Variants in ICA1 observed in about 807,000 individuals in gnomAD.
The protein encoded by ICA1 is 69 kDa islet cell autoantigen.
Under a neutral mutation model 71.0 loss-of-function variants are expected in ICA1, and 40 were observed. The ratio of observed to expected loss-of-function variants is 0.56; its 90% CI spans 0.44 to 0.73. The LOEUF is 0.73. Ranked by LOEUF, ICA1 falls within the 30% of genes least tolerant of loss-of-function variation. The pLI, the probability that ICA1 is intolerant of heterozygous loss-of-function variation, is 0.00. For synonymous variants in ICA1, 207 were observed against 209.5 expected (o/e 0.99, Z 0.10); for missense variants, 578 against 576.5 (o/e 1.00, Z -0.03).
At chr7:8,228,725 A>G (rs754705092) in intron 3 of ICA1, 52 bp from the exon 4 acceptor site, 2 of 1,242,714 alleles carry the variant, frequency 1.6e-6, no homozygotes. Flanking sequence ...GTGGTGAGAT[A>G]AAAAATAATT....
chr7:8,250,043 G>C (rs1182280120), intron 1 of ICA1, among the ~76,000 whole-genome samples: 1 of 152,200 alleles, frequency 6.6e-6, no homozygotes, highest in East Asian at 1.9e-4. Context: ...TTCAGAGCCA[G>C]GGCTCCCACA....
chr7:8,146,676 G>C (rs1797011203), intron 8 of ICA1, among the ~76,000 whole-genome samples: 1 of 151,258 alleles, frequency 6.6e-6, no homozygotes, highest in South Asian at 2.1e-4. Context: ...GGATGTTCAT[G>C]ATTTTTTTAT....
At chr7:8,188,377 C>A (rs1222699636) in intron 6 of ICA1, among the ~76,000 whole-genome samples, 3 of 152,188 alleles carry the variant, frequency 2.0e-5, no homozygotes, top group Non-Finnish European at 2.9e-5. Flanking sequence ...CCAAAATTAA[C>A]TCTCCTCAAA....
rs963635500 is a variant in ICA1 at position 8,222,888 on chromosome 7, T to G, written c.257-1490A>C. On this transcript the variant is annotated intron_variant, in intron 4 of 13. Coordinates refer to ENST00000402384, the MANE Select transcript of ICA1 (RefSeq NM_001136020.3). The surrounding 1 kb of genome is among the most constrained non-coding windows in gnomAD (Gnocchi z 4.8). ...TGTGTCTCTCTTCCCCAGGGGGCTCTAAGCTTTCCAAGACAGGGATCTCAC... is the reference window on the plus strand; with the variant it reads ...TGTGTCTCTCTTCCCCAGGGGGCTCGAAGCTTTCCAAGACAGGGATCTCAC... Among the ~76,000 whole-genome samples the G allele has an allele frequency of 1.3e-5, 2 of 152,182 alleles. No homozygotes were observed. Among genetic ancestry groups the G allele is most frequent in the Admixed American group, 1.3e-4 (2 of 15,272 alleles).
rs1584678621 is a variant in ICA1, at chr7:8,156,757, T to G, written c.804+359A>C. 4 of 1,374,738 alleles carry G rather than the reference T, an allele frequency of 2.9e-6. No homozygotes were observed. The East Asian group carries it at 1.0e-4, about 35-fold the overall frequency. 85.2% of individuals were successfully genotyped at this position (1,374,738 alleles called of 1,614,324 possible). ...TTAAAAGTAACTGAGTTTATGGGAC[T>G]TGTACAATCTCCCCTTTAGCAATGT... On this transcript the variant is annotated intron_variant, in intron 8 of 13. Coordinates refer to ENST00000402384, the MANE Select transcript of ICA1 (RefSeq NM_001136020.3).
chr7:8,119,715 G>C (rs1270108471), intron 13 of ICA1, among the ~76,000 whole-genome samples: 1 of 152,068 alleles, frequency 6.6e-6, no homozygotes, highest in Non-Finnish European at 1.5e-5. Context: ...GTGTGGTGGC[G>C]GGCACCTGTA....
intron 6 of ICA1, among the ~76,000 whole-genome samples, chr7:8,210,423 A>G (rs537667059): frequency 6.6e-6 from 1 of 152,372 alleles, no homozygotes. Flanking sequence ...CAGGACATAA[A>G]CACATCATGA....
At chr7:8,159,623 GT>G (rs1562753851) in intron 6 of ICA1, among the ~76,000 whole-genome samples, 1 of 151,988 alleles carries the variant, frequency 6.6e-6, no homozygotes, top group Non-Finnish European at 1.5e-5. Flanking sequence ...TCACTTGAGC[GT>G]GGGAGGTGGA....
chr7:8,242,060 G>A (rs1031424712), intron 1 of ICA1, among the ~76,000 whole-genome samples: 1 of 152,118 alleles, frequency 6.6e-6, no homozygotes, highest in African/African-American at 2.4e-5. Flanking sequence ...TCTGCACCAA[G>A]CAGACCTAAT....
At chr7:8,199,379 G>A (rs1788763963) in intron 6 of ICA1, among the ~76,000 whole-genome samples, 1 of 152,134 alleles carries the variant, frequency 6.6e-6, no homozygotes, top group South Asian at 2.1e-4. Context: ...AGAAAATGTG[G>A]TACTTATACA....
chr7:8,228,452 T>C (rs1036318221), intron 4 of ICA1, 149 bp downstream of exon 4: 12 of 476,010 alleles, frequency 2.5e-5, no homozygotes, highest in Non-Finnish European at 4.4e-5. Flanking sequence ...ATGTATATTA[T>C]TGGTAAAATT....
chr7:8,190,547 C>A (rs1212234346), intron 6 of ICA1, among the ~76,000 whole-genome samples: 1 of 152,192 alleles, frequency 6.6e-6, no homozygotes, highest in Non-Finnish European at 1.5e-5. Context: ...CTGGTGCCCC[C>A]TGCAGGATTC....
At chr7:8,212,267 G>GA (rs1214297890) in intron 6 of ICA1, among the ~76,000 whole-genome samples, 63 of 151,106 alleles carry the variant, frequency 4.2e-4, no homozygotes, top group African/African-American at 1.4e-3. Flanking sequence ...CAGTGATTTA[G>GA]AAAAAAAAAT....
At chr7:8,210,159 G>C (rs1793142733) in intron 6 of ICA1, among the ~76,000 whole-genome samples, 1 of 152,172 alleles carries the variant, frequency 6.6e-6, no homozygotes. Context: ...CCTTTAAATT[G>C]AGGAAGATCC....
intron 6 of ICA1, among the ~76,000 whole-genome samples, chr7:8,175,742 C>T (rs1562844339): frequency 6.6e-6 from 1 of 152,114 alleles, no homozygotes; most frequent in Non-Finnish European, 1.5e-5. Context: ...TCAAAAGCCA[C>T]CTAGAAAAAC....
At chr7:8,206,450 T>A (rs930337260) in intron 6 of ICA1, among the ~76,000 whole-genome samples, 3 of 152,316 alleles carry the variant, frequency 2.0e-5, no homozygotes, top group Admixed American at 6.5e-5. Flanking sequence ...ACAAACCATT[T>A]AAAAACCCTC....
rs199854454 is a variant in ICA1, at chr7:8,226,340, C to CTAGATATAGATA, written c.256+2249_256+2260dup. 3.3e-5 allele frequency among the ~76,000 whole-genome samples: 5 copies of CTAGATATAGATA among 151,814 alleles called. No individual in the cohort carries two copies. Among genetic ancestry groups the CTAGATATAGATA allele is most frequent in the African/African-American group, 1.2e-4 (5 of 41,276 alleles). ...TTTGCACAATGAGCAGGCTTGCTCT[C>CTAGATATAGATA]TAGATATAGATATAGATATAGATGG... On this transcript the variant is annotated intron_variant, in intron 4 of 13. Transcript: ENST00000402384. This position sits in a 1 kb window ranked among gnomAD's most constrained non-coding sequence, Gnocchi z 4.4.
chr7:8,216,842 G>A (rs186522544), intron 6 of ICA1, among the ~76,000 whole-genome samples: 229 of 152,154 alleles, frequency 1.5e-3, no homozygotes, highest in African/African-American at 5.3e-3. Context: ...CATTTTCCTC[G>A]CTTATAAAAT....
intron 12 of ICA1, among the ~76,000 whole-genome samples, chr7:8,136,428 T>C (rs1393918723): frequency 1.3e-5 from 2 of 152,220 alleles, no homozygotes; most frequent in Non-Finnish European, 2.9e-5. Context: ...CCAGCAGTTT[T>C]CCAAAGGGCA....
Sources: allele counts gnomAD v4.1 joint callset (sites outside exome capture counted in the v4.1 genomes callset), GRCh38; gene constraint gnomAD v4.1.1; non-coding constraint Gnocchi (gnomAD v3.1); transcripts MANE v1.5; gene names NCBI Gene and HGNC (gene_info 2026-07-23, HGNC 2026-07-21).